PDZRN3: variants seen among roughly 807,000 people sequenced by gnomAD.
The protein encoded by PDZRN3 is PDZ domain containing ring finger 3.
In PDZRN3, 38 loss-of-function variants were observed where a neutral mutation model predicts 85.7. The ratio of observed to expected loss-of-function variants is 0.44; its 90% CI spans 0.34 to 0.58. PDZRN3 has a LOEUF of 0.58. Among genes scored for constraint, PDZRN3 ranks in the 20% least tolerant of loss-of-function variants. The pLI, the probability that PDZRN3 is intolerant of heterozygous loss-of-function variation, is 0.01. For missense variants in PDZRN3, 1,629 were observed against 1,506.4 expected (o/e 1.08, Z -1.35); for synonymous variants, 759 against 638.0 (o/e 1.19, Z -2.86).
At chr3:73,422,179 T>C (rs1702216865) in intron 3 of PDZRN3, among the ~76,000 whole-genome samples, 1 of 152,214 alleles carries the variant, frequency 6.6e-6, no homozygotes, top group Admixed American at 6.5e-5. Flanking sequence ...TCCAGAACAC[T>C]AGAGGGAGAT....
At position 73,535,626 on chromosome 3, in the gene PDZRN3, G is replaced by A. The variant is rs368433566; in HGVS notation, c.918+66728C>T. Among the ~76,000 whole-genome samples the A allele has an allele frequency of 3.3e-5, 5 of 152,284 alleles. No individual in the cohort carries two copies. In the South Asian group the frequency reaches 6.2e-4, roughly 19 times the overall value. Reference sequence around the variant, plus strand: ...GGAGAGAATATCTTGTGAAAGTTTCGCCTGACAGTTCACATGGACTGACTA... The same window carrying A: ...GGAGAGAATATCTTGTGAAAGTTTCACCTGACAGTTCACATGGACTGACTA... On this transcript the variant is annotated intron_variant, in intron 3 of 9. Coordinates refer to ENST00000263666, the MANE Select transcript of PDZRN3 (RefSeq NM_015009.3).
chr3:73,399,352 CT>C (rs1197113654), intron 5 of PDZRN3, among the ~76,000 whole-genome samples: 1 of 152,178 alleles, frequency 6.6e-6, no homozygotes, highest in African/African-American at 2.4e-5. Flanking sequence ...TTCCAGAGAA[CT>C]GTAGACTGAG....
At chr3:73,439,618 C>T (rs1451044831) in intron 3 of PDZRN3, among the ~76,000 whole-genome samples, 2 of 152,206 alleles carry the variant, frequency 1.3e-5, no homozygotes, top group Non-Finnish European at 2.9e-5. Context: ...TCAAAGATGT[C>T]AGAATGCACA....
Position 73,384,189 on chromosome 3 carries a change from C to T in PDZRN3, c.2377G>A (p.Gly793Arg), listed in dbSNP as rs1701290781. Reference sequence around the variant, plus strand: ...TAGGCTTCCGTGGTCCCCACAGCCCCTTCGCTGCTCGGGCAGCTGATGCCC... The same window carrying T: ...TAGGCTTCCGTGGTCCCCACAGCCCTTTCGCTGCTCGGGCAGCTGATGCCC... Reference protein sequence around the residue: ...AEGISCPSSEGAVGTTEAYGP... With the variant: ...AEGISCPSSERAVGTTEAYGP... Residue 793 changes from glycine to arginine, a missense_variant, in exon 10 of 10, where the codon GGG becomes AGG. Transcript: ENST00000263666. 6.2e-7 allele frequency: 1 copy of T among 1,614,034 alleles called. No homozygotes were observed. The highest frequency in any genetic ancestry group is 8.5e-7 in the Non-Finnish European group (1 of 1,180,044).
rs61737048 is a variant in PDZRN3, at chr3:73,383,793, T to A, written c.2773A>T (p.Ile925Phe). Reference protein sequence around the residue: ...SEPRMEWKVKIRSDGTRYITK... With the variant: ...SEPRMEWKVKFRSDGTRYITK... ...ATGTAGCGCGTCCCGTCGCTGCGGA[T>A]CTTCACCTTCCACTCCATGCGCGGC... is the stretch of plus-strand genomic sequence containing the variant. Residue 925 changes from isoleucine to phenylalanine, a missense_variant, in exon 10 of 10, where the codon ATC (isoleucine) becomes TTC (phenylalanine). Coordinates refer to ENST00000263666, the MANE Select transcript of PDZRN3 (RefSeq NM_015009.3). 2.5e-6 allele frequency: 4 copies of A among 1,613,514 alleles called. No homozygotes were observed. The highest frequency in any genetic ancestry group is 3.4e-6 in the Non-Finnish European group (4 of 1,180,008).
chr3:73,402,878 G>A (rs933689378), intron 4 of PDZRN3, among the ~76,000 whole-genome samples: 17 of 151,766 alleles, frequency 1.1e-4, no homozygotes, highest in Non-Finnish European at 2.1e-4. Flanking sequence ...GAAAACACAG[G>A]GGCGACCCTA....
intron 3 of PDZRN3, among the ~76,000 whole-genome samples, chr3:73,457,531 G>A (rs191379357): frequency 3.9e-4 from 60 of 152,184 alleles, no homozygotes; most frequent in Non-Finnish European, 4.3e-4. Flanking sequence ...CCTAGGGTGC[G>A]TGCTGTTCCA....
At chr3:73,433,872 T>TC (rs1020376181) in intron 3 of PDZRN3, 4 of 1,424,778 alleles carry the variant, frequency 2.8e-6, no homozygotes, top group South Asian at 1.5e-5. Context: ...AACAACTCTC[T>TC]CCCCCCTTCC....
intron 3 of PDZRN3, among the ~76,000 whole-genome samples, chr3:73,599,377 A>G (rs533961015): frequency 6.6e-6 from 1 of 152,328 alleles, no homozygotes; most frequent in East Asian, 1.9e-4. Context: ...TCCGTTTATA[A>G]ATCAAATTCC....
intron 3 of PDZRN3, among the ~76,000 whole-genome samples, chr3:73,559,033 T>C (rs1001610779): frequency 6.6e-6 from 1 of 152,160 alleles, no homozygotes; most frequent in Non-Finnish European, 1.5e-5. Flanking sequence ...GCTACAGTAG[T>C]GTTGAGACAC....
intron 3 of PDZRN3, among the ~76,000 whole-genome samples, chr3:73,470,565 T>C (rs1474958339): frequency 6.6e-6 from 1 of 152,220 alleles, no homozygotes; most frequent in Non-Finnish European, 1.5e-5. Flanking sequence ...CAAAGCCTAA[T>C]GCTCCCCCAC....
intron 3 of PDZRN3, among the ~76,000 whole-genome samples, chr3:73,514,377 T>C (rs2106714196): frequency 6.6e-6 from 1 of 152,270 alleles, no homozygotes; most frequent in South Asian, 2.1e-4. Context: ...AACAATAAAA[T>C]ACAGTTCTAT....
chr3:73,502,936 G>C (rs1704008851), intron 3 of PDZRN3, among the ~76,000 whole-genome samples: 2 of 152,178 alleles, frequency 1.3e-5, no homozygotes, highest in African/African-American at 2.4e-5. Context: ...TGGTCATTTT[G>C]ATCTGTTAAG....
intron 3 of PDZRN3, among the ~76,000 whole-genome samples, chr3:73,413,744 TC>T (rs893022984): frequency 4.6e-5 from 7 of 152,118 alleles, no homozygotes; most frequent in Non-Finnish European, 7.4e-5. Context: ...GGGGCAGTCA[TC>T]AACAAGAGGG....
At chr3:73,457,889 G>A (rs1361870680) in intron 3 of PDZRN3, among the ~76,000 whole-genome samples, 1 of 152,156 alleles carries the variant, frequency 6.6e-6, no homozygotes, top group African/African-American at 2.4e-5. Context: ...TCCTGATTAT[G>A]GAATTCCCAG....
At chr3:73,492,747 T>A (rs982831168) in intron 3 of PDZRN3, among the ~76,000 whole-genome samples, 1 of 152,142 alleles carries the variant, frequency 6.6e-6, no homozygotes, top group Admixed American at 6.5e-5. Context: ...AACAGTACTG[T>A]GTATTTCAAA....
rs573452739 is a variant in PDZRN3 at position 73,467,471 on chromosome 3, G to A, written c.919-63076C>T. ...TTCCTGCCTAGATGTTCTACACAGC[G>A]ATTCCCAGTAACACCTGAACTGTTT... On this transcript the variant is annotated intron_variant, in intron 3 of 9. Coordinates refer to ENST00000263666, the MANE Select transcript of PDZRN3 (RefSeq NM_015009.3). Among the ~76,000 whole-genome samples, 221 of 152,312 alleles carry A rather than the reference G, an allele frequency of 1.5e-3. 3 individuals are homozygous for A. The Middle Eastern group carries it at 0.017, about 12-fold the overall frequency.
At chr3:73,457,362 C>T (rs1055231232) in intron 3 of PDZRN3, among the ~76,000 whole-genome samples, 3 of 152,026 alleles carry the variant, frequency 2.0e-5, no homozygotes, top group Non-Finnish European at 2.9e-5. Flanking sequence ...TATGAGCCAC[C>T]GTGCCCGGCC....
intron 3 of PDZRN3, among the ~76,000 whole-genome samples, chr3:73,419,149 GGGAA>G (rs1490862136): frequency 3.9e-5 from 6 of 152,200 alleles, no homozygotes; most frequent in Non-Finnish European, 8.8e-5. Context: ...CAAATCATCT[GGGAA>G]GGAATTAATG....
Sources: gnomAD v4.1 joint callset for allele counts (sites outside exome capture counted in the v4.1 genomes callset) on GRCh38, gnomAD v4.1.1 for gene constraint, MANE v1.5 for transcripts, NCBI Gene and HGNC (gene_info 2026-07-23, HGNC 2026-07-21) for gene names.